PUDP: variants seen among roughly 807,000 people sequenced by gnomAD.
The protein encoded by PUDP is pseudouridine-5'-phosphatase.
In PUDP, 8 loss-of-function variants were observed where a neutral mutation model predicts 9.4. The ratio of observed to expected loss-of-function variants is 0.85; its 90% CI spans 0.50 to 1.53. PUDP has a LOEUF of 1.53. PUDP is among the 40% of genes most tolerant of loss of function. The probability of loss-of-function intolerance (pLI) is 0.00; values close to 1 mark genes in which losing one functional copy is unlikely to be tolerated. For missense variants in PUDP, 188 were observed against 189.7 expected (o/e 0.99, Z 0.05); for synonymous variants, 99 against 80.7 (o/e 1.23, Z -1.22).
chrX:6,906,428 C>T (rs183036293), intron 3 of PUDP, among the ~76,000 whole-genome samples: 3 of 112,261 alleles, frequency 2.7e-5, no homozygotes, highest in South Asian at 3.7e-4. Flanking sequence ...GCCCCCCAAC[C>T]GTGTTTGCAC....
chrX:7,069,970 C>T (rs1433902384), intron 3 of PUDP, among the ~76,000 whole-genome samples: 1 of 112,354 alleles, frequency 8.9e-6, no homozygotes, highest in Non-Finnish European at 1.9e-5. Flanking sequence ...CATACAAATC[C>T]GAAATTCTAA....
intron 3 of PUDP, among the ~76,000 whole-genome samples, chrX:6,770,804 C>T: frequency 9.0e-6 from 1 of 111,476 alleles, no homozygotes; most frequent in East Asian, 2.8e-4. Context: ...GCTGGGCTGC[C>T]TGGTGAATTT....
At chrX:6,730,703 T>C (rs1924799082) in intron 3 of PUDP, among the ~76,000 whole-genome samples, 1 of 112,199 alleles carries the variant, frequency 8.9e-6, no homozygotes, top group Admixed American at 9.4e-5. Flanking sequence ...GTAAGAGTTA[T>C]CCAACATAAA....
intron 3 of PUDP, among the ~76,000 whole-genome samples, chrX:6,965,952 A>T (rs1928777650): frequency 9.0e-6 from 1 of 111,286 alleles, no homozygotes; most frequent in Non-Finnish European, 1.9e-5. Flanking sequence ...AGAACATAAA[A>T]CTACCTTCTT....
At chrX:7,036,268 G>C (rs916174186) in intron 1 of PUDP, among the ~76,000 whole-genome samples, 3 of 111,820 alleles carry the variant, frequency 2.7e-5, no homozygotes, top group African/African-American at 9.8e-5. Context: ...TAGCCTCCTA[G>C]GTTTTTGTTT....
chrX:6,731,082 T>TA (rs1435161110), intron 3 of PUDP, among the ~76,000 whole-genome samples: 1 of 102,028 alleles, frequency 9.8e-6, no homozygotes, highest in African/African-American at 3.6e-5. Flanking sequence ...TATTTTATTT[T>TA]TTTTAGACAC....
chrX:6,982,523 C>T (rs1929050144), intron 1 of PUDP, among the ~76,000 whole-genome samples: 1 of 110,765 alleles, frequency 9.0e-6, no homozygotes, highest in Admixed American at 9.6e-5. Flanking sequence ...CCAGGTGGAG[C>T]CATCTGATTG....
chrX:6,728,096 A>ATG (rs1569088105), intron 3 of PUDP, among the ~76,000 whole-genome samples: 53 of 111,547 alleles, frequency 4.8e-4, no homozygotes, highest in Admixed American at 3.4e-3. Context: ...GGCAGAAGGC[A>ATG]AAAGGCATGT....
chrX:6,813,974 C>A (rs1046049332), intron 3 of PUDP, among the ~76,000 whole-genome samples: 1 of 111,375 alleles, frequency 9.0e-6, no homozygotes, highest in Admixed American at 9.6e-5. Context: ...GAGTGAAACG[C>A]ATTGGCTCAC....
intron 1 of PUDP, among the ~76,000 whole-genome samples, chrX:6,978,737 T>C (rs779291574): frequency 8.9e-6 from 1 of 112,769 alleles, no homozygotes; most frequent in East Asian, 2.8e-4. Context: ...TGGTCAGTGA[T>C]CGTGGTACTG....
chrX:6,815,991 T>C (rs1398437866), intron 3 of PUDP, among the ~76,000 whole-genome samples: 2 of 106,492 alleles, frequency 1.9e-5, no homozygotes, highest in African/African-American at 6.8e-5. Flanking sequence ...ATTATACATG[T>C]AATGTATATA....
At chrX:6,822,019 C>T (rs185053685) in intron 3 of PUDP, among the ~76,000 whole-genome samples, 22 of 112,026 alleles carry the variant, frequency 2.0e-4, no homozygotes, top group Non-Finnish European at 3.9e-4. Context: ...TCAAGCTCAT[C>T]TATAAAACTG....
chrX:6,858,438 TC>T (rs1926946355), intron 3 of PUDP, among the ~76,000 whole-genome samples: 2 of 104,552 alleles, frequency 1.9e-5, no homozygotes, highest in South Asian at 9.4e-4. Context: ...CAAGCCATCC[TC>T]CCACCTCAGC....
chrX:6,995,187 C>T (rs1303107472), intron 1 of PUDP, among the ~76,000 whole-genome samples: 1 of 110,251 alleles, frequency 9.1e-6, no homozygotes, highest in African/African-American at 3.3e-5. Context: ...ACATGCAATT[C>T]TCAAAACTGA....
At chrX:6,901,594 C>G (rs1011808602) in intron 3 of PUDP, among the ~76,000 whole-genome samples, 1 of 112,233 alleles carries the variant, frequency 8.9e-6, no homozygotes, top group Non-Finnish European at 1.9e-5. Context: ...TTGAATAATG[C>G]AGTCGATAAT....
At chrX:7,064,333 A>AG (rs1930487697) in intron 3 of PUDP, among the ~76,000 whole-genome samples, 1 of 111,906 alleles carries the variant, frequency 8.9e-6, no homozygotes, top group African/African-American at 3.3e-5. Flanking sequence ...TACTGAATAA[A>AG]TAATGAGGGC....
upstream of PUDP, chrX:6,721,561 C>A (rs375780577): frequency 5.4e-5 from 6 of 111,664 alleles, no homozygotes; most frequent in East Asian, 5.6e-4. Flanking sequence ...GAACAGAGGG[C>A]AATGGAAAAA....
chrX:7,095,814 C>G, intron 2 of PUDP, among the ~76,000 whole-genome samples: 1 of 112,450 alleles, frequency 8.9e-6, no homozygotes, highest in African/African-American at 3.2e-5. Context: ...TGGAAGCTGA[C>G]CTGGGTGCTT....
chrX:7,121,888 G>A (rs1239658118), intron 1 of PUDP, among the ~76,000 whole-genome samples: 1 of 112,253 alleles, frequency 8.9e-6, no homozygotes, highest in Non-Finnish European at 1.9e-5. Flanking sequence ...AGATATTGGG[G>A]TTAAAGAATA....
Sources: gnomAD v4.1 joint callset for allele counts (sites outside exome capture counted in the v4.1 genomes callset) on GRCh38, gnomAD v4.1.1 for gene constraint, MANE v1.5 for transcripts, NCBI Gene and HGNC (gene_info 2026-07-23, HGNC 2026-07-21) for gene names.